Variants in LPAR6 observed in about 807,000 individuals in gnomAD.
LPAR6 encodes lysophosphatidic acid receptor 6.
A neutral mutation model predicts 22.0 loss-of-function variants in LPAR6; 17 were observed. The ratio of observed to expected loss-of-function variants is 0.77; its 90% CI spans 0.53 to 1.16. The LOEUF is 1.16. LPAR6 is among the 50% of genes most tolerant of loss of function. The pLI, the probability that LPAR6 is intolerant of heterozygous loss-of-function variation, is 0.00. For missense variants in LPAR6, 384 were observed against 406.9 expected (o/e 0.94, Z 0.48); for synonymous variants, 136 against 139.8 (o/e 0.97, Z 0.19).
intron 1 of LPAR6, among the ~76,000 whole-genome samples, chr13:48,391,702 T>TCCACCTCC (rs1306310376): frequency 9.9e-5 from 15 of 152,094 alleles, no homozygotes; most frequent in African/African-American, 3.1e-4. Flanking sequence ...CACTGCAACC[T>TCCACCTCC]CCACCTCCTG....
intron 2 of LPAR6, among the ~76,000 whole-genome samples, chr13:48,420,846 C>A (rs1348721906): frequency 3.3e-5 from 5 of 152,116 alleles, no homozygotes; most frequent in African/African-American, 1.2e-4. Context: ...TGAAGGACAT[C>A]TTCAAGAACT....
chr13:48,433,140 C>G (rs1039775184), intron 1 of LPAR6, among the ~76,000 whole-genome samples: 1 of 152,018 alleles, frequency 6.6e-6, no homozygotes, highest in Non-Finnish European at 1.5e-5. Context: ...TATGAACATA[C>G]ATGTAAGCTA....
upstream of LPAR6, among the ~76,000 whole-genome samples, chr13:48,428,591 G>A (rs939699508): frequency 1.3e-5 from 2 of 152,216 alleles, no homozygotes; most frequent in African/African-American, 4.8e-5. Context: ...CTTTAAATGA[G>A]TAAGCTCTGC....
chr13:48,409,564 T>C (rs1948772141), downstream of LPAR6, among the ~76,000 whole-genome samples: 2 of 140,736 alleles, frequency 1.4e-5, no homozygotes, highest in Non-Finnish European at 3.1e-5. Context: ...TTTGGAGAAC[T>C]GCTTGATTTT....
chr13:48,407,025 A>G (rs1042707915), downstream of LPAR6, among the ~76,000 whole-genome samples: 3 of 152,208 alleles, frequency 2.0e-5, no homozygotes, highest in Non-Finnish European at 2.9e-5. Flanking sequence ...TCAGATGACC[A>G]TCAGGCCCTT....
chr13:48,398,430 A>G (rs568086676), intron 1 of LPAR6, among the ~76,000 whole-genome samples: 11 of 152,010 alleles, frequency 7.2e-5, no homozygotes, highest in African/African-American at 2.2e-4. Flanking sequence ...CACTATGTCT[A>G]TTTTTCCATT....
chr13:48,426,267 T>C (rs941373263), intron 1 of LPAR6, among the ~76,000 whole-genome samples: 3 of 152,224 alleles, frequency 2.0e-5, no homozygotes, highest in African/African-American at 7.2e-5. Flanking sequence ...ATCTTAACTT[T>C]ATAGAAATAA....
At chr13:48,396,187 G>A (rs934508268) in intron 1 of LPAR6, among the ~76,000 whole-genome samples, 4 of 151,950 alleles carry the variant, frequency 2.6e-5, no homozygotes, top group Non-Finnish European at 5.9e-5. Context: ...CCATATAGCC[G>A]AGACAATCTT....
chr13:48,413,363 G>T (rs576368677), upstream of LPAR6, among the ~76,000 whole-genome samples: 2 of 151,848 alleles, frequency 1.3e-5, no homozygotes, highest in African/African-American at 4.8e-5. Flanking sequence ...GTTTTGATTT[G>T]TTTCAGTAGT....
At chr13:48,436,488 C>T (rs531459435) in intron 1 of LPAR6, among the ~76,000 whole-genome samples, 9 of 152,094 alleles carry the variant, frequency 5.9e-5, no homozygotes, top group Admixed American at 3.3e-4. Context: ...ACTAAAAATA[C>T]AAAAATTAGC....
At chr13:48,400,178 C>T (rs1948679591) in intron 1 of LPAR6, among the ~76,000 whole-genome samples, 1 of 152,072 alleles carries the variant, frequency 6.6e-6, no homozygotes. Flanking sequence ...AAATAACTCT[C>T]ATTTATGTGT....
intron 1 of LPAR6, among the ~76,000 whole-genome samples, chr13:48,432,229 A>G (rs749419252): frequency 4.6e-5 from 7 of 152,162 alleles, no homozygotes; most frequent in Non-Finnish European, 1.0e-4. Flanking sequence ...ACTGATCAAC[A>G]TCTTTAAAAG....
upstream of LPAR6, among the ~76,000 whole-genome samples, chr13:48,416,976 C>T (rs1948922144): frequency 6.6e-6 from 1 of 152,140 alleles, no homozygotes; most frequent in Non-Finnish European, 1.5e-5. Flanking sequence ...GGGAAGGGTG[C>T]TATGGGTGGC....
chr13:48,444,521 CAAA>C (rs1949269495), intron 1 of LPAR6: 1 of 152,282 alleles, frequency 6.6e-6, no homozygotes, highest in Non-Finnish European at 1.5e-5. Context: ...TCTGAAAAAA[CAAA>C]AAGAAAAAAT....
chr13:48,435,815 A>C (rs1949177506), intron 1 of LPAR6, among the ~76,000 whole-genome samples: 1 of 152,186 alleles, frequency 6.6e-6, no homozygotes, highest in Non-Finnish European at 1.5e-5. Flanking sequence ...TTTAAAGGCT[A>C]TCCTTTTTCT....
downstream of LPAR6, among the ~76,000 whole-genome samples, chr13:48,406,160 G>T (rs983897789): frequency 1.3e-5 from 2 of 151,818 alleles, no homozygotes; most frequent in Non-Finnish European, 2.9e-5. Context: ...TGTGTCTTGA[G>T]GATCAATACC....
downstream of LPAR6, among the ~76,000 whole-genome samples, chr13:48,407,569 T>C (rs1948751381): frequency 6.6e-6 from 1 of 152,224 alleles, no homozygotes; most frequent in Admixed American, 6.5e-5. Context: ...TTAGGAGTTA[T>C]GTACATGCTG....
intron 1 of LPAR6, among the ~76,000 whole-genome samples, chr13:48,432,624 G>A (rs1296274620): frequency 1.3e-5 from 2 of 152,058 alleles, no homozygotes; most frequent in African/African-American, 2.4e-5. Context: ...TTTACCTCAA[G>A]AGACTGAACT....
At chr13:48,408,960 G>T (rs1462441045), downstream of LPAR6, among the ~76,000 whole-genome samples, 1 of 152,220 alleles carries the variant, frequency 6.6e-6, no homozygotes, top group East Asian at 1.9e-4. Context: ...CAGATCAGTA[G>T]ATTGGTAGTT....
Sources: allele counts gnomAD v4.1 joint callset (sites outside exome capture counted in the v4.1 genomes callset), GRCh38; gene constraint gnomAD v4.1.1; transcripts MANE v1.5; gene names NCBI Gene and HGNC (gene_info 2026-07-23, HGNC 2026-07-21).